The following LRRC4C variants were observed in gnomAD, a reference collection of about 807,000 sequenced individuals.
The protein encoded by LRRC4C is leucine-rich repeat-containing protein 4C.
A neutral mutation model predicts 33.6 loss-of-function variants in LRRC4C; 5 were observed. That is an observed-to-expected ratio of 0.15 (90% CI 0.08 to 0.31). LRRC4C has a LOEUF of 0.31. LRRC4C is among the 10% of genes least tolerant of loss of function. The pLI, the probability that LRRC4C is intolerant of heterozygous loss-of-function variation, is 1.00. For missense variants in LRRC4C, 560 were observed against 796.7 expected, an observed-to-expected ratio of 0.70 and a Z score of 3.58; for synonymous variants, 329 against 302.0, an observed-to-expected ratio of 1.09 and a Z score of -0.93.
chr11:40,198,950 G>C (rs989242810), intron 5 of LRRC4C, among the ~76,000 whole-genome samples: 5 of 152,228 alleles, frequency 3.3e-5, no homozygotes, highest in African/African-American at 1.2e-4. Context: ...GGAAATAACT[G>C]TTCTAGGTAG....
chr11:40,438,773 T>C (rs1470973002), intron 3 of LRRC4C, among the ~76,000 whole-genome samples: 1 of 152,176 alleles, frequency 6.6e-6, no homozygotes, highest in Non-Finnish European at 1.5e-5. Context: ...TAAAAATAAG[T>C]ATCTCACTTT....
At chr11:40,354,472 C>T (rs1365114274) in intron 3 of LRRC4C, among the ~76,000 whole-genome samples, 2 of 152,128 alleles carry the variant, frequency 1.3e-5, no homozygotes, top group Non-Finnish European at 2.9e-5. Context: ...TTTCTCGGAG[C>T]CAGGGCCTGT....
At chr11:40,189,859 A>G (rs1861694071) in intron 5 of LRRC4C, among the ~76,000 whole-genome samples, 1 of 152,216 alleles carries the variant, frequency 6.6e-6, no homozygotes, top group Non-Finnish European at 1.5e-5. Context: ...AACTTTTTAA[A>G]CATACATGCT....
At chr11:40,554,164 C>T (rs1364180952) in intron 3 of LRRC4C, among the ~76,000 whole-genome samples, 1 of 152,090 alleles carries the variant, frequency 6.6e-6, no homozygotes, top group African/African-American at 2.4e-5. Flanking sequence ...ATATGGTTAG[C>T]CAGTTTTCCC....
intron 1 of LRRC4C, among the ~76,000 whole-genome samples, chr11:41,454,505 A>G (rs1471243962): frequency 6.6e-6 from 1 of 152,154 alleles, no homozygotes; most frequent in Non-Finnish European, 1.5e-5. Context: ...GCATCCTTTT[A>G]TTAACAGTGA....
Position 41,334,287 on chromosome 11 carries a change from T to G in LRRC4C, c.-496+125144A>C, listed in dbSNP as rs528014598. Among the ~76,000 whole-genome samples the G allele has an allele frequency of 2.0e-5, 3 of 152,332 alleles. No individual in the cohort carries two copies. In the South Asian group the frequency reaches 6.2e-4, roughly 32 times the overall value. ...AACTCGTCAGTTCAAGAAGATTTCC[T>G]AATACCTTTTTGGCAACCAGCAGCC... On this transcript the variant is annotated intron_variant, in intron 1 of 6. Coordinates refer to ENST00000528697, the MANE Select transcript of LRRC4C (RefSeq NM_001258419.2).
chr11:40,946,739 C>T (rs1039184925), intron 1 of LRRC4C, among the ~76,000 whole-genome samples: 2 of 152,130 alleles, frequency 1.3e-5, no homozygotes, highest in African/African-American at 2.4e-5. Flanking sequence ...AAATTATGGA[C>T]TTACATTTGA....
intron 3 of LRRC4C, among the ~76,000 whole-genome samples, chr11:40,421,102 C>G (rs1950508254): frequency 6.6e-6 from 1 of 152,176 alleles, no homozygotes; most frequent in South Asian, 2.1e-4. Flanking sequence ...CATACCATCT[C>G]CTTCTCTCTG....
chr11:40,197,798 G>A (rs1862386410), intron 5 of LRRC4C, among the ~76,000 whole-genome samples: 1 of 152,096 alleles, frequency 6.6e-6, no homozygotes, highest in South Asian at 2.1e-4. Context: ...GGGAACAAAA[G>A]CAATTTCTGA....
chr11:41,127,593 A>G (rs1319728690), intron 1 of LRRC4C, among the ~76,000 whole-genome samples: 3 of 152,054 alleles, frequency 2.0e-5, no homozygotes, highest in Non-Finnish European at 2.9e-5. Context: ...TATCCCTATA[A>G]AGTCAAAAAT....
intron 3 of LRRC4C, among the ~76,000 whole-genome samples, chr11:40,348,386 C>A (rs1281354960): frequency 1.3e-5 from 2 of 151,956 alleles, no homozygotes; most frequent in Non-Finnish European, 2.9e-5. Flanking sequence ...GTTGAAGAAA[C>A]AGACTTAGTA....
intron 2 of LRRC4C, among the ~76,000 whole-genome samples, chr11:40,678,563 G>A (rs1944524317): frequency 6.6e-6 from 1 of 152,068 alleles, no homozygotes; most frequent in African/African-American, 2.4e-5. Context: ...CATCATAGGA[G>A]GGACCCAGTG....
intron 1 of LRRC4C, among the ~76,000 whole-genome samples, chr11:41,148,673 C>T (rs1442662475): frequency 6.6e-6 from 1 of 152,042 alleles, no homozygotes; most frequent in Non-Finnish European, 1.5e-5. Context: ...GCTCTCTGGC[C>T]TGGAACTGGT....
chr11:40,921,699 A>G, intron 2 of LRRC4C, among the ~76,000 whole-genome samples: 1 of 152,216 alleles, frequency 6.6e-6, no homozygotes, highest in Non-Finnish European at 1.5e-5. Flanking sequence ...TATAATATTC[A>G]AATCAAAGTA....
At chr11:41,428,885 C>A (rs1955135038) in intron 1 of LRRC4C, among the ~76,000 whole-genome samples, 2 of 152,084 alleles carry the variant, frequency 1.3e-5, no homozygotes, top group Admixed American at 1.3e-4. Context: ...TGTGACTAAG[C>A]AAAGATCACT....
intron 3 of LRRC4C, among the ~76,000 whole-genome samples, chr11:40,349,851 GT>G (rs1565300865): frequency 6.6e-6 from 1 of 152,128 alleles, no homozygotes; most frequent in East Asian, 1.9e-4. Context: ...TTATACACTT[GT>G]TTGCCATTTG....
At chr11:41,266,737 G>A (rs1032722758) in intron 1 of LRRC4C, among the ~76,000 whole-genome samples, 1 of 152,058 alleles carries the variant, frequency 6.6e-6, no homozygotes, top group African/African-American at 2.4e-5. Context: ...AAATGCAAAT[G>A]GTTGGCTTTT....
At chr11:40,696,277 G>A (rs1032332194) in intron 2 of LRRC4C, among the ~76,000 whole-genome samples, 2 of 95,748 alleles carry the variant, frequency 2.1e-5, no homozygotes, top group Admixed American at 1.8e-4. Flanking sequence ...CTACCACAAT[G>A]CCACATATAT....
At chr11:41,179,961 T>A (rs2136147088) in intron 1 of LRRC4C, among the ~76,000 whole-genome samples, 1 of 152,076 alleles carries the variant, frequency 6.6e-6, no homozygotes, top group South Asian at 2.1e-4. Flanking sequence ...GTAAGAGCCA[T>A]ATAGTAAATG....
Sources: allele counts gnomAD v4.1 joint callset (sites outside exome capture counted in the v4.1 genomes callset), GRCh38; gene constraint gnomAD v4.1.1; transcripts MANE v1.5; gene names NCBI Gene and HGNC (gene_info 2026-07-23, HGNC 2026-07-21).